Variants in SPAST observed in about 807,000 individuals in gnomAD.
The protein encoded by SPAST is spastin, also known as spastic paraplegia 4 (autosomal dominant; spastin).
Under a neutral mutation model 76.6 loss-of-function variants are expected in SPAST, and 30 were observed. The ratio of observed to expected loss-of-function variants is 0.39; its 90% CI spans 0.29 to 0.53. The LOEUF (loss-of-function observed/expected upper bound fraction) is 0.53. SPAST is among the 20% of genes least tolerant of loss of function. The pLI, the probability that SPAST is intolerant of heterozygous loss-of-function variation, is 0.68. For synonymous variants in SPAST, 305 were observed against 281.0 expected (o/e 1.09, Z -0.86); for missense variants, 717 against 770.5 (o/e 0.93, Z 0.82).
chr2:32,070,310 C>T (rs189699290), intron 1 of SPAST, among the ~76,000 whole-genome samples: 4,467 of 151,980 alleles, frequency 0.029, 108 homozygotes, highest in Middle Eastern at 0.054. Context: ...TGAAGTGATC[C>T]GCCTGCCTCA....
At chr2:32,087,464 T>G in intron 1 of SPAST, 28 bp from the exon 2 acceptor site, 1 of 1,376,590 alleles carries the variant, frequency 7.3e-7, no homozygotes, top group Non-Finnish European at 1.0e-6. Flanking sequence ...CTTCATACGA[T>G]CTATACAAAT....
At chr2:32,107,002 A>G (rs1678349590) in intron 4 of SPAST, among the ~76,000 whole-genome samples, 1 of 151,998 alleles carries the variant, frequency 6.6e-6, no homozygotes, top group Non-Finnish European at 1.5e-5. Flanking sequence ...AAAATTCTCC[A>G]GCCCTGAAGA....
chr2:32,098,703 AGT>A lies in SPAST; in HGVS notation c.587-92_587-91del, dbSNP rs1678008875. ...CATGTAACAATCTGGTAACACCTTG[AGT>A]AATTTGTCATTTCACATGCACATTT... On this transcript the variant is annotated intron_variant, in intron 3 of 16. Transcript: ENST00000315285. The A allele has an allele frequency of 1.5e-5, 12 of 810,958 alleles. No individual in the cohort carries two copies. In the South Asian group the frequency reaches 1.8e-4, roughly 12 times the overall value. The allele number at this position is 810,958 out of a possible 1,614,324, so 50.2% of individuals were successfully genotyped here. A position where few individuals can be genotyped will look rare whatever the true frequency, so the allele number is the denominator to read the frequency against.
At chr2:32,107,568 T>C (rs35653492) in intron 4 of SPAST, among the ~76,000 whole-genome samples, 15,001 of 152,202 alleles carry the variant, frequency 0.099, 820 homozygotes, top group Middle Eastern at 0.2. Context: ...TCCAAAACTT[T>C]TTGAGCGCTG....
At chr2:32,099,545 T>C (rs1336563611) in intron 4 of SPAST, among the ~76,000 whole-genome samples, 1 of 152,156 alleles carries the variant, frequency 6.6e-6, no homozygotes, top group Non-Finnish European at 1.5e-5. Context: ...TTTTTTTAGT[T>C]GACAGATAAT....
At chr2:32,116,047 G>T in intron 6 of SPAST, 72 bp from the exon 7 acceptor site, 1 of 1,145,450 alleles carries the variant, frequency 8.7e-7, no homozygotes, top group Non-Finnish European at 1.3e-6. Context: ...ATATGTCATA[G>T]GGCTTAGGCT....
chr2:32,074,568 G>T (rs1676876218), intron 1 of SPAST, among the ~76,000 whole-genome samples: 1 of 151,820 alleles, frequency 6.6e-6, no homozygotes, highest in Non-Finnish European at 1.5e-5. Flanking sequence ...TTCAGTGGGG[G>T]CAATCTCAGC....
intron 3 of SPAST, among the ~76,000 whole-genome samples, chr2:32,095,108 C>T (rs1299478342): frequency 6.6e-6 from 1 of 152,162 alleles, no homozygotes; most frequent in African/African-American, 2.4e-5. Flanking sequence ...TTACAGTAAT[C>T]TAGGAGAAAA....
intron 5 of SPAST, among the ~76,000 whole-genome samples, chr2:32,115,041 C>A (rs996739775): frequency 6.6e-6 from 1 of 151,406 alleles, no homozygotes; most frequent in Non-Finnish European, 1.5e-5. Flanking sequence ...CTCCGCCTCC[C>A]AGGTTCAAGC....
At chr2:32,125,266 C>G (rs1041625288) in intron 7 of SPAST, among the ~76,000 whole-genome samples, 1 of 151,570 alleles carries the variant, frequency 6.6e-6, no homozygotes, top group Non-Finnish European at 1.5e-5. Flanking sequence ...TCTTGTTGCC[C>G]AGGCTGGAAT....
rs146991492 is a variant in SPAST at position 32,129,704 on chromosome 2, A to C, written c.1245+1225A>C. 6.8e-3 allele frequency: 1,039 copies of C among 152,000 alleles called. 15 individuals are homozygous for C. The highest frequency in any genetic ancestry group is 0.024 in the African/African-American group (1,003 of 41,414). The allele number at this position is 152,000 out of a possible 1,614,324, so 9.4% of individuals were successfully genotyped here. ...CTTAGTCTCTGCTTGCCTTTATCAAAACCTTTATGATTGGCCGGGCACAGT... is the reference window on the plus strand; with the variant it reads ...CTTAGTCTCTGCTTGCCTTTATCAACACCTTTATGATTGGCCGGGCACAGT... On this transcript the variant is annotated intron_variant, in intron 9 of 16. Transcript: ENST00000315285.
At chr2:32,141,237 G>C (rs1339128015) in intron 12 of SPAST, among the ~76,000 whole-genome samples, 1 of 152,208 alleles carries the variant, frequency 6.6e-6, no homozygotes, top group African/African-American at 2.4e-5. Context: ...CTTCCCGCCA[G>C]ACTGTTAGAT....
Position 32,126,929 on chromosome 2 carries a change from T to G in SPAST, c.1099-19T>G. The G allele has an allele frequency of 6.4e-7, 1 of 1,555,580 alleles. No individual in the cohort carries two copies. The highest frequency in any genetic ancestry group is 8.9e-7 in the Non-Finnish European group (1 of 1,126,880). On this transcript the variant is annotated intron_variant, in intron 7 of 16. Coordinates refer to ENST00000315285, the MANE Select transcript of SPAST (RefSeq NM_014946.4). ...TGTCTCTAGAATCATAGTTGTAAAC[T>G]AAAGTATATATTTTTTAGTTGTTCA...
At chr2:32,105,117 A>G (rs962090547) in intron 4 of SPAST, among the ~76,000 whole-genome samples, 5 of 152,116 alleles carry the variant, frequency 3.3e-5, no homozygotes, top group Admixed American at 6.5e-5. Flanking sequence ...GTCTTTTCAC[A>G]TAGTCCTATA....
chr2:32,099,498 C>T (rs1678040848), intron 4 of SPAST, among the ~76,000 whole-genome samples: 1 of 152,052 alleles, frequency 6.6e-6, no homozygotes, highest in Non-Finnish European at 1.5e-5. Flanking sequence ...CTTAGGTTCT[C>T]TGACATCTGA....
chr2:32,089,491 G>A, intron 2 of SPAST, 31 bp from the exon 3 acceptor site: 1 of 1,196,780 alleles, frequency 8.4e-7, no homozygotes, highest in Non-Finnish European at 1.2e-6. Context: ...GTTGGGAAAT[G>A]TAGATATTTT....
chr2:32,096,545 C>T lies in SPAST; in HGVS notation c.587-2251C>T, dbSNP rs183963791. Reference sequence around the variant, plus strand: ...AAAAAAATGAATTGGAGCAGGTTCACAGAAGCAATGTACTGTTACACTGTA... The same window carrying T: ...AAAAAAATGAATTGGAGCAGGTTCATAGAAGCAATGTACTGTTACACTGTA... On this transcript the variant is annotated intron_variant, in intron 3 of 16. Transcript: ENST00000315285. Among the ~76,000 whole-genome samples, 45 of 152,274 alleles carry T rather than the reference C, an allele frequency of 3.0e-4. No homozygotes were observed. In the East Asian group the frequency reaches 6.6e-3, roughly 22 times the overall value.
At chr2:32,077,721 C>G (rs1677021388) in intron 1 of SPAST, 1 of 152,192 alleles carries the variant, frequency 6.6e-6, no homozygotes, top group South Asian at 2.1e-4. Context: ...CTGGGTCTCA[C>G]TAATATTTGA....
At chr2:32,122,503 G>T (rs1679053919) in intron 7 of SPAST, among the ~76,000 whole-genome samples, 1 of 152,032 alleles carries the variant, frequency 6.6e-6, no homozygotes, top group African/African-American at 2.4e-5. Context: ...TGTATTTTTA[G>T]TAGAGACGGG....
Sources: allele counts gnomAD v4.1 joint callset (sites outside exome capture counted in the v4.1 genomes callset), GRCh38; gene constraint gnomAD v4.1.1; transcripts MANE v1.5; gene names NCBI Gene and HGNC (gene_info 2026-07-23, HGNC 2026-07-21).